Variants in RGS7 observed in about 807,000 individuals in gnomAD.
RGS7 encodes regulator of G-protein signaling 7.
A neutral mutation model predicts 81.1 loss-of-function variants in RGS7; 27 were observed. That is an observed-to-expected ratio of 0.33 (90% CI 0.25 to 0.46). The LOEUF (loss-of-function observed/expected upper bound fraction) is 0.46. Ranked by LOEUF, RGS7 falls within the 20% of genes least tolerant of loss-of-function variation. The pLI, the probability that RGS7 is intolerant of heterozygous loss-of-function variation, is 1.00. For missense variants in RGS7, 396 were observed against 607.4 expected (o/e 0.65, Z 3.66); for synonymous variants, 208 against 207.7 (o/e 1.00, Z -0.01).
At chr1:240,933,129 C>A (rs539529563) in intron 5 of RGS7, among the ~76,000 whole-genome samples, 18 of 143,954 alleles carry the variant, frequency 1.3e-4, no homozygotes, top group East Asian at 8.4e-4. Flanking sequence ...TGATCTGCCC[C>A]CCTCGGCCCC....
At chr1:240,977,403 G>A (rs1684298142) in intron 4 of RGS7, among the ~76,000 whole-genome samples, 1 of 152,038 alleles carries the variant, frequency 6.6e-6, no homozygotes, top group Non-Finnish European at 1.5e-5. Context: ...ATATGTGTGT[G>A]TGTGTATTTA....
At chr1:240,922,508 C>T (rs1673740482) in intron 6 of RGS7, among the ~76,000 whole-genome samples, 1 of 152,014 alleles carries the variant, frequency 6.6e-6, no homozygotes. Context: ...ACAAGGAACT[C>T]TTACAATTCA....
intron 3 of RGS7, among the ~76,000 whole-genome samples, chr1:241,060,732 C>T (rs1337454575): frequency 6.6e-6 from 1 of 152,192 alleles, no homozygotes; most frequent in East Asian, 1.9e-4. Flanking sequence ...TATGATGCAT[C>T]TTGGCCCAGG....
chr1:240,930,495 C>A (rs1436084609), intron 6 of RGS7, among the ~76,000 whole-genome samples: 1 of 152,048 alleles, frequency 6.6e-6, no homozygotes, highest in African/African-American at 2.4e-5. Context: ...AATCAGAAGG[C>A]TTTCTTTAAT....
intron 3 of RGS7, among the ~76,000 whole-genome samples, chr1:241,065,225 T>C (rs1369899621): frequency 7.0e-6 from 1 of 142,076 alleles, no homozygotes; most frequent in Non-Finnish European, 1.5e-5. Flanking sequence ...ATATATTATC[T>C]TTTAATATAT....
At chr1:240,819,810 A>T (rs1691464788) in intron 10 of RGS7, among the ~76,000 whole-genome samples, 1 of 152,232 alleles carries the variant, frequency 6.6e-6, no homozygotes, top group African/African-American at 2.4e-5. Flanking sequence ...GGTGTTGCTT[A>T]AAACATCTTC....
rs182955267 is a variant in RGS7, at chr1:240,874,644, G to A, written c.386-4525C>T. The stretch of plus-strand genomic sequence containing the variant: ...ATTGCATATATTTATATTGTGCTAC[G>A]TGATGTTTTAATATAGGTTATACGC... On this transcript the variant is annotated intron_variant, in intron 6 of 18. Transcript: ENST00000440928. 2.5e-3 allele frequency among the ~76,000 whole-genome samples: 373 copies of A among 152,154 alleles called. 4 individuals are homozygous for A. The highest frequency in any genetic ancestry group is 8.3e-3 in the African/African-American group (344 of 41,496).
intron 3 of RGS7, among the ~76,000 whole-genome samples, chr1:241,053,306 C>G (rs2061340698): frequency 6.6e-6 from 1 of 152,188 alleles, no homozygotes; most frequent in African/African-American, 2.4e-5. Flanking sequence ...GTAGGGCAAG[C>G]AGGCCCTTAC....
chr1:240,858,232 T>A (rs1022829647), intron 9 of RGS7, among the ~76,000 whole-genome samples: 5 of 152,246 alleles, frequency 3.3e-5, no homozygotes, highest in African/African-American at 1.2e-4. Flanking sequence ...AACAGAACTT[T>A]CCTATTCATT....
intron 3 of RGS7, among the ~76,000 whole-genome samples, chr1:241,040,481 T>C (rs1315433549): frequency 6.6e-6 from 1 of 151,438 alleles, no homozygotes; most frequent in Non-Finnish European, 1.5e-5. Context: ...ACTTTTCTTT[T>C]TATTTATTTA....
At chr1:241,276,845 C>T (rs2341691) in intron 2 of RGS7, among the ~76,000 whole-genome samples, 21,456 of 152,018 alleles carry the variant, frequency 0.14, 1,849 homozygotes, top group Middle Eastern at 0.19. Flanking sequence ...CTTGAATAAA[C>T]AAGTCTATTT....
Position 241,259,667 on chromosome 1 carries a change from A to AAAAAAAAAAAAAAAATATAT in RGS7, c.78+96031_78+96032insATATATTTTTTTTTTTTTTT. 4.7e-4 allele frequency among the ~76,000 whole-genome samples: 23 copies of AAAAAAAAAAAAAAAATATAT among 49,134 alleles called. 1 individual carries two copies. The highest frequency in any genetic ancestry group is 1.4e-3 in the African/African-American group (17 of 12,584). The allele number at this position is 49,134 out of a possible 152,430, so 32.2% of individuals were successfully genotyped here. ...CTCCGTCTCAAAAAAAAAAAAAAAA[A>AAAAAAAAAAAAAAAATATAT]ATATATATATATATATATAATTAAA... On this transcript the variant is annotated intron_variant, in intron 2 of 18. Transcript: ENST00000440928.
chr1:241,181,748 G>T (rs1558162593), intron 2 of RGS7, among the ~76,000 whole-genome samples: 1 of 152,282 alleles, frequency 6.6e-6, no homozygotes, highest in East Asian at 1.9e-4. Flanking sequence ...ACTGGGGCTG[G>T]AGTGCAGTGG....
At chr1:241,119,451 T>C (rs1016955278) in intron 2 of RGS7, among the ~76,000 whole-genome samples, 1 of 152,224 alleles carries the variant, frequency 6.6e-6, no homozygotes, top group Non-Finnish European at 1.5e-5. Context: ...CAGGTAGTAG[T>C]CAGTGATTAC....
chr1:241,165,823 A>G (rs2070181160), intron 2 of RGS7, among the ~76,000 whole-genome samples: 1 of 151,888 alleles, frequency 6.6e-6, no homozygotes, highest in African/African-American at 2.4e-5. Flanking sequence ...AAAAAAAAAG[A>G]AAGAAAAAGA....
At chr1:240,957,765 G>T (rs1437760541) in intron 4 of RGS7, among the ~76,000 whole-genome samples, 1 of 152,178 alleles carries the variant, frequency 6.6e-6, no homozygotes, top group East Asian at 1.9e-4. Context: ...GGAAACTGGG[G>T]GGTGGGATAT....
chr1:241,220,863 T>C (rs2074850455), intron 2 of RGS7, among the ~76,000 whole-genome samples: 1 of 150,298 alleles, frequency 6.7e-6, no homozygotes, highest in East Asian at 2.0e-4. Context: ...TTTGCACCAC[T>C]GCACTCCAGC....
intron 3 of RGS7, among the ~76,000 whole-genome samples, chr1:241,071,874 C>CAAAAAAAAAAAA (rs58217460): frequency 0.075 from 4,272 of 56,636 alleles, 993 homozygotes; most frequent in Non-Finnish European, 0.084. Context: ...GAGACCCTGT[C>CAAAAAAAAAAAA]AAAAAAAAAA....
At chr1:241,303,083 T>C (rs1254481326) in intron 2 of RGS7, among the ~76,000 whole-genome samples, 1 of 152,196 alleles carries the variant, frequency 6.6e-6, no homozygotes, top group Non-Finnish European at 1.5e-5. Context: ...AGGGCTTTTA[T>C]TTCTAGTAAT....
Sources: allele counts gnomAD v4.1 joint callset (sites outside exome capture counted in the v4.1 genomes callset), GRCh38; gene constraint gnomAD v4.1.1; transcripts MANE v1.5; gene names NCBI Gene and HGNC (gene_info 2026-07-23, HGNC 2026-07-21).